DPYD: variants seen among roughly 807,000 people sequenced by gnomAD.
DPYD encodes the protein dihydropyrimidine dehydrogenase [NADP(+)].
DPYD carries 109 observed loss-of-function variants against 116.2 expected under a neutral mutation model. That is an observed-to-expected ratio of 0.94 (90% CI 0.80 to 1.10). The LOEUF is 1.10. Among genes scored for constraint, DPYD ranks in the 50% least tolerant of loss-of-function variants. DPYD has a pLI of 0.00. For missense variants in DPYD, 1,302 were observed against 1,254.5 expected, an observed-to-expected ratio of 1.04 and a Z score of -0.57; for synonymous variants, 440 against 432.0, an observed-to-expected ratio of 1.02 and a Z score of -0.23.
chr1:97,523,882 G>T (rs1398468443), intron 12 of DPYD, among the ~76,000 whole-genome samples: 3 of 152,058 alleles, frequency 2.0e-5, no homozygotes, highest in Non-Finnish European at 4.4e-5. Flanking sequence ...TTTTAGTTTT[G>T]CAAGGTAAAA....
chr1:97,796,950 AG>A (rs1667601551), intron 3 of DPYD: 1 of 152,140 alleles, frequency 6.6e-6, no homozygotes, highest in Non-Finnish European at 1.5e-5. Context: ...CACAGGGAAA[AG>A]CTTCTATCTA....
intron 3 of DPYD, chr1:97,797,794 A>G: frequency 6.6e-6 from 1 of 152,148 alleles, no homozygotes; most frequent in Non-Finnish European, 1.5e-5. Context: ...AACCCTTCAA[A>G]ACATAGTAAG....
At chr1:97,306,918 G>A (rs529959834) in intron 16 of DPYD, among the ~76,000 whole-genome samples, 2 of 151,916 alleles carry the variant, frequency 1.3e-5, no homozygotes, top group African/African-American at 4.8e-5. Context: ...AGCATTTTCA[G>A]CACTCACAAA....
Position 97,828,249 on chromosome 1 carries a change from T to A in DPYD, c.151-53A>T, listed in dbSNP as rs908992914. ...TTCTCTAAGATCCTGAGAAAAATTG[T>A]ATCTATGCAGTTATGCAAAAATGTA... On this transcript the variant is annotated intron_variant, in intron 2 of 22. Coordinates refer to ENST00000370192, the MANE Select transcript of DPYD (RefSeq NM_000110.4). 85 of 1,547,132 alleles carry A rather than the reference T, an allele frequency of 5.5e-5. No homozygotes were observed. The highest frequency in any genetic ancestry group is 3.5e-4 in the Admixed American group (21 of 59,208).
chr1:97,426,797 T>G (rs1035131125), intron 14 of DPYD, among the ~76,000 whole-genome samples: 2 of 152,078 alleles, frequency 1.3e-5, no homozygotes, highest in Non-Finnish European at 2.9e-5. Context: ...AGAGGATATG[T>G]TTCAAAGAGC....
chr1:97,642,943 G>C (rs980454275), intron 8 of DPYD, among the ~76,000 whole-genome samples: 14 of 151,448 alleles, frequency 9.2e-5, no homozygotes, highest in African/African-American at 3.1e-4. Context: ...TTAAAAGATG[G>C]ATTAAAGACC....
At chr1:97,254,410 A>T (rs986098147) in intron 18 of DPYD, among the ~76,000 whole-genome samples, 1 of 152,088 alleles carries the variant, frequency 6.6e-6, no homozygotes, top group Admixed American at 6.6e-5. Flanking sequence ...TTAACTGTCA[A>T]CTCTGGTCTT....
intron 14 of DPYD, among the ~76,000 whole-genome samples, chr1:97,445,520 T>C (rs1274290995): frequency 6.6e-6 from 1 of 152,130 alleles, no homozygotes; most frequent in Non-Finnish European, 1.5e-5. Context: ...ATATGTAACT[T>C]AGATGTTAAG....
intron 3 of DPYD, among the ~76,000 whole-genome samples, chr1:97,776,292 T>C (rs901646541): frequency 7.2e-5 from 11 of 152,194 alleles, no homozygotes; most frequent in Admixed American, 2.0e-4. Context: ...CTTTGTTTTA[T>C]CTCAGTCTAT....
At chr1:97,578,587 G>A (rs536569355) in intron 10 of DPYD, among the ~76,000 whole-genome samples, 12 of 152,302 alleles carry the variant, frequency 7.9e-5, no homozygotes, top group East Asian at 7.7e-4. Flanking sequence ...TGGCTGAAAC[G>A]AAATCCTATG....
chr1:97,909,960 T>G (rs1478371463), intron 1 of DPYD, among the ~76,000 whole-genome samples: 1 of 152,088 alleles, frequency 6.6e-6, no homozygotes, highest in Non-Finnish European at 1.5e-5. Flanking sequence ...CTTTTTTTGT[T>G]TACCAAAGTT....
At chr1:97,540,325 G>A (rs1042247425) in intron 12 of DPYD, among the ~76,000 whole-genome samples, 2 of 133,518 alleles carry the variant, frequency 1.5e-5, no homozygotes, top group African/African-American at 5.5e-5. Context: ...AACCCGGGGT[G>A]GGGGGTGGGG....
chr1:97,745,841 A>C (rs763629322), intron 3 of DPYD, among the ~76,000 whole-genome samples: 4 of 152,056 alleles, frequency 2.6e-5, no homozygotes, highest in Non-Finnish European at 5.9e-5. Flanking sequence ...ACGTACAAAA[A>C]CAGGTTAGAA....
chr1:97,607,677 ATCAG>A (rs1241444758), intron 8 of DPYD, among the ~76,000 whole-genome samples: 1 of 151,850 alleles, frequency 6.6e-6, no homozygotes, highest in Non-Finnish European at 1.5e-5. Context: ...AGAAGGACCA[ATCAG>A]TCAGGAGGAG....
In DPYD at chr1:97,526,599, T is replaced by C. The variant is rs532344352; in HGVS notation, c.1525-10658A>G. Reference sequence around the variant, plus strand: ...CCAGTAACATGAGTTCTTTTCCTAGTTCCTAATTATCAAGTAAGAGATTCA... The same window carrying C: ...CCAGTAACATGAGTTCTTTTCCTAGCTCCTAATTATCAAGTAAGAGATTCA... On this transcript the variant is annotated intron_variant, in intron 12 of 22. Transcript: ENST00000370192. 3.3e-5 allele frequency among the ~76,000 whole-genome samples: 5 copies of C among 152,310 alleles called. No homozygotes were observed. In the South Asian group the frequency reaches 1.0e-3, roughly 32 times the overall value.
chr1:97,167,764 G>C (rs1228853917), intron 20 of DPYD, among the ~76,000 whole-genome samples: 1 of 152,112 alleles, frequency 6.6e-6, no homozygotes, highest in South Asian at 2.1e-4. Flanking sequence ...CTTGAAATGT[G>C]TTTATATTAA....
chr1:97,461,939 A>C (rs556262604), intron 13 of DPYD, among the ~76,000 whole-genome samples: 2 of 152,354 alleles, frequency 1.3e-5, no homozygotes, highest in South Asian at 4.1e-4. Flanking sequence ...GTCTGTTTTG[A>C]GGAACTGAAA....
intron 12 of DPYD, chr1:97,546,764 C>T (rs768995049): frequency 5.6e-6 from 9 of 1,613,138 alleles, no homozygotes; most frequent in Non-Finnish European, 7.6e-6. Flanking sequence ...TATCAGTATA[C>T]TGTGTTTCTG....
chr1:97,902,562 T>C (rs1673419133), intron 1 of DPYD, among the ~76,000 whole-genome samples: 1 of 151,846 alleles, frequency 6.6e-6, no homozygotes, highest in Non-Finnish European at 1.5e-5. Flanking sequence ...GCTGTTTCCA[T>C]TGAAATGTTA....
Sources: allele counts gnomAD v4.1 joint callset (sites outside exome capture counted in the v4.1 genomes callset), GRCh38; gene constraint gnomAD v4.1.1; transcripts MANE v1.5; gene names NCBI Gene and HGNC (gene_info 2026-07-23, HGNC 2026-07-21).